Variants in EBF3 observed in about 807,000 individuals in gnomAD.
The protein encoded by EBF3 is transcription factor COE3.
Under a neutral mutation model 77.1 loss-of-function variants are expected in EBF3, and 18 were observed. That is an observed-to-expected ratio of 0.23 (90% CI 0.16 to 0.35). The LOEUF (loss-of-function observed/expected upper bound fraction) is 0.35, where lower values mean the gene tolerates loss of function less well. EBF3 is among the 10% of genes least tolerant of loss of function. The pLI, the probability that EBF3 is intolerant of heterozygous loss-of-function variation, is 1.00. For synonymous variants in EBF3, 350 were observed against 343.5 expected (o/e 1.02, Z -0.21); for missense variants, 558 against 860.0 (o/e 0.65, Z 4.39).
intron 6 of EBF3, among the ~76,000 whole-genome samples, chr10:129,936,310 C>G (rs1328162070): frequency 2.0e-5 from 3 of 152,196 alleles, no homozygotes; most frequent in Admixed American, 1.3e-4. Context: ...CCACCACCCC[C>G]TCCTGTCTCT....
intron 6 of EBF3, among the ~76,000 whole-genome samples, chr10:129,907,562 A>G (rs1855232304): frequency 6.6e-6 from 1 of 152,232 alleles, no homozygotes; most frequent in Non-Finnish European, 1.5e-5. Flanking sequence ...AATAATGGAT[A>G]GTCACCCCAA....
intron 10 of EBF3, among the ~76,000 whole-genome samples, chr10:129,859,002 A>C (rs1414758832): frequency 6.6e-6 from 1 of 152,134 alleles, no homozygotes; most frequent in African/African-American, 2.4e-5. Flanking sequence ...AAAATTTCGC[A>C]CGCTCCGTAA....
chr10:129,857,418 G>A (rs944260012), intron 10 of EBF3, among the ~76,000 whole-genome samples: 1 of 152,064 alleles, frequency 6.6e-6, no homozygotes, highest in Non-Finnish European at 1.5e-5. Context: ...CCCATGCCCA[G>A]CTGGCACTCC....
chr10:129,875,196 T>C, intron 7 of EBF3, among the ~76,000 whole-genome samples: 1 of 135,136 alleles, frequency 7.4e-6, no homozygotes, highest in African/African-American at 2.9e-5. Flanking sequence ...TCTTTTTTTT[T>C]TTTTTTTTTT....
Position 129,897,304 on chromosome 10 carries a change from A to C in EBF3, c.555-19455T>G, listed in dbSNP as rs149716322. ...GCAGGGACCTAGGAGGGTTGAAAGG[A>C]GATGAGGCCCATGGCTGTGTGGGTG... On this transcript the variant is annotated intron_variant, in intron 6 of 16. Transcript: ENST00000440978. This position sits in a 1 kb window ranked among gnomAD's most constrained non-coding sequence, Gnocchi z 4.6. Among the ~76,000 whole-genome samples, 8 of 152,228 alleles carry C rather than the reference A, an allele frequency of 5.3e-5. No homozygotes were observed. In the East Asian group the frequency reaches 1.5e-3, roughly 29 times the overall value.
intron 6 of EBF3, among the ~76,000 whole-genome samples, chr10:129,919,418 G>A (rs550490583): frequency 6.6e-6 from 1 of 152,260 alleles, no homozygotes; most frequent in Non-Finnish European, 1.5e-5. Flanking sequence ...CGAGGCCAGA[G>A]ATAGCGAGCT....
At chr10:129,922,432 C>T (rs1856376808) in intron 6 of EBF3, among the ~76,000 whole-genome samples, 1 of 152,248 alleles carries the variant, frequency 6.6e-6, no homozygotes, top group Non-Finnish European at 1.5e-5. Flanking sequence ...CCCTCAGCAC[C>T]TACTGTTTGT....
At position 129,840,387 on chromosome 10, in the gene EBF3, A is replaced by G. The variant is rs1468807318; in HGVS notation, c.1617T>C (p.Cys539=). Reference sequence around the variant, plus strand: ...ATGAGAAAATGCCGTGTGTGCTGCTACAGTTTGAAGGGAGGGTGACCGAAG... The same window carrying G: ...ATGAGAAAATGCCGTGTGTGCTGCTGCAGTTTGAAGGGAGGGTGACCGAAG... ...AASSVTLPSN[C]SSTHGIFSFS... is the part of the protein sequence containing the mutation. Residue 539 remains cysteine (C), a synonymous_variant, in exon 15 of 17, where the codon TGT becomes TGC. Coordinates refer to ENST00000440978, the MANE Select transcript of EBF3 (RefSeq NM_001375380.1). 1.9e-6 allele frequency: 3 copies of G among 1,554,030 alleles called. No homozygotes were observed. Among genetic ancestry groups the G allele is most frequent in the Non-Finnish European group, 2.6e-6 (3 of 1,148,006 alleles).
intron 6 of EBF3, among the ~76,000 whole-genome samples, chr10:129,941,487 T>C (rs186005835): frequency 1.3e-5 from 2 of 152,214 alleles, no homozygotes; most frequent in Non-Finnish European, 2.9e-5. Context: ...GTGCCAAGAC[T>C]AGGCCACAGA....
intron 6 of EBF3, among the ~76,000 whole-genome samples, chr10:129,903,811 T>C (rs4751144): frequency 0.68 from 104,095 of 152,056 alleles, 35,795 homozygotes; most frequent in Admixed American, 0.71. Flanking sequence ...TGCTGCAAAG[T>C]CATCATAGGA....
In EBF3 at chr10:129,837,031, G is replaced by C. The variant is rs1052192478; in HGVS notation, c.*912C>G. On this transcript the variant is annotated 3_prime_UTR_variant, in exon 17 of 17. Transcript: ENST00000440978. ...CTACAACTTTGGCAAAATCACAAAAGTCTACAATTTTATAACCACATACAA... is the reference window on the plus strand; with the variant it reads ...CTACAACTTTGGCAAAATCACAAAACTCTACAATTTTATAACCACATACAA... 1.3e-5 allele frequency: 2 copies of C among 152,546 alleles called. No individual in the cohort carries two copies. Among genetic ancestry groups the C allele is most frequent in the Non-Finnish European group, 2.9e-5 (2 of 68,010 alleles). The allele number at this position is 152,546 out of a possible 1,614,324, so 9.4% of individuals were successfully genotyped here. A position where few individuals can be genotyped will look rare whatever the true frequency, so the allele number is the denominator to read the frequency against.
At chr10:129,910,641 C>T (rs767789150) in intron 6 of EBF3, among the ~76,000 whole-genome samples, 3 of 152,104 alleles carry the variant, frequency 2.0e-5, no homozygotes, top group Non-Finnish European at 4.4e-5. Flanking sequence ...TCCTACGCTC[C>T]CTGCTGTGGG....
At chr10:129,945,016 C>G (rs972775812) in intron 6 of EBF3, among the ~76,000 whole-genome samples, 2 of 141,126 alleles carry the variant, frequency 1.4e-5, no homozygotes, top group Admixed American at 1.5e-4. Flanking sequence ...TCTTTGAATT[C>G]GACTCTGTGA....
At chr10:129,957,233 T>C in intron 6 of EBF3, 25 bp downstream of exon 6, 1 of 1,577,252 alleles carries the variant, frequency 6.3e-7, no homozygotes, top group East Asian at 2.3e-5. Flanking sequence ...GGTTTTGTTT[T>C]GAAAAATAAA....
chr10:129,882,309 C>T (rs1479608776), intron 6 of EBF3, among the ~76,000 whole-genome samples: 2 of 152,176 alleles, frequency 1.3e-5, no homozygotes, highest in Non-Finnish European at 2.9e-5. Flanking sequence ...GCAATTAGGA[C>T]CAAACAGCTC....
intron 7 of EBF3, among the ~76,000 whole-genome samples, chr10:129,874,592 C>T (rs1047782909): frequency 6.6e-6 from 1 of 152,192 alleles, no homozygotes; most frequent in African/African-American, 2.4e-5. Context: ...CTGGGTCTTG[C>T]AGAAGCACTC....
intron 6 of EBF3, among the ~76,000 whole-genome samples, chr10:129,951,423 T>G (rs1858671233): frequency 6.6e-6 from 1 of 152,204 alleles, no homozygotes; most frequent in Non-Finnish European, 1.5e-5. Context: ...TTCCAGCCCT[T>G]GCCTCCACCC....
In EBF3 at chr10:129,947,585, A is replaced by C. The variant is rs1007486817; in HGVS notation, c.554+9673T>G. 6.6e-6 allele frequency among the ~76,000 whole-genome samples: 1 copy of C among 152,244 alleles called. No homozygotes were observed. Among genetic ancestry groups the C allele is most frequent in the Non-Finnish European group, 1.5e-5 (1 of 68,048 alleles). ...TCCAAAATAGTATTATTGAGGAAAT[A>C]AACCCCTTATAATAAGTGAAATTGA... On this transcript the variant is annotated intron_variant, in intron 6 of 16. Transcript: ENST00000440978. The surrounding 1 kb of genome is among the most constrained non-coding windows in gnomAD (Gnocchi z 4.5).
At chr10:129,887,626 G>A (rs769668907) in intron 6 of EBF3, among the ~76,000 whole-genome samples, 3 of 152,134 alleles carry the variant, frequency 2.0e-5, no homozygotes, top group African/African-American at 4.8e-5. Context: ...ATCTAGGGCC[G>A]CATGGCAAAG....
Sources: allele counts gnomAD v4.1 joint callset (sites outside exome capture counted in the v4.1 genomes callset), GRCh38; gene constraint gnomAD v4.1.1; non-coding constraint Gnocchi (gnomAD v3.1); transcripts MANE v1.5; gene names NCBI Gene and HGNC (gene_info 2026-07-23, HGNC 2026-07-21).